COL4A3: variants seen among roughly 807,000 people sequenced by gnomAD.
COL4A3 encodes the protein collagen type IV alpha 3 chain.
In COL4A3, 135 loss-of-function variants were observed where a neutral mutation model predicts 217.4. That is an observed-to-expected ratio of 0.62 (90% CI 0.54 to 0.72). COL4A3 has a LOEUF of 0.72. Ranked by LOEUF, COL4A3 falls within the 30% of genes least tolerant of loss-of-function variation. COL4A3 has a pLI of 0.00. For synonymous variants in COL4A3, 690 were observed against 736.3 expected, an observed-to-expected ratio of 0.94 and a Z score of 1.02; for missense variants, 1,868 against 2,119.9, an observed-to-expected ratio of 0.88 and a Z score of 2.33.
rs1293246002 is a variant in COL4A3, at chr2:227,280,932, C to A, written c.2414C>A (p.Pro805His). The change falls in exon 31 of 52, where the codon CCC becomes CAC. Residue 805 changes from proline (P) to histidine (H), a missense_variant. Physicochemically the swap from Pro to His is moderately conservative, Grantham distance 77. Coordinates refer to ENST00000396578, the MANE Select transcript of COL4A3 (RefSeq NM_000091.5). ...CCTGGACCACCTGGAGAACAAGGACCCCCAGGAAGGTGCATAGAGGGTCCC... is the reference window on the plus strand; with the variant it reads ...CCTGGACCACCTGGAGAACAAGGACACCCAGGAAGGTGCATAGAGGGTCCC... ...GQPGPPGEQG[P>H]PGRCIEGPRG... 1.9e-6 allele frequency: 3 copies of A among 1,565,118 alleles called. No homozygotes were observed. The highest frequency in any genetic ancestry group is 2.7e-5 in the African/African-American group (2 of 73,554).
intron 1 of COL4A3, among the ~76,000 whole-genome samples, chr2:227,215,436 T>C (rs985690477): frequency 4.6e-5 from 7 of 152,106 alleles, no homozygotes; most frequent in Admixed American, 1.3e-4. Context: ...CACCTCCGTA[T>C]GTGCTTGTTG....
chr2:227,166,478 A>G (rs2125623649), intron 1 of COL4A3, among the ~76,000 whole-genome samples: 1 of 152,340 alleles, frequency 6.6e-6, no homozygotes, highest in Non-Finnish European at 1.5e-5. Flanking sequence ...GGGGTGGAAG[A>G]ATTGTACTTA....
chr2:227,259,739 G>A lies in COL4A3; in HGVS notation c.1030-54G>A, dbSNP rs114550460. Reference sequence around the variant, plus strand: ...AGAAACTGAAGTAATGATGTTTGGTGAGCTGTCCATAAATAGCTATCCTTT... The same window carrying A: ...AGAAACTGAAGTAATGATGTTTGGTAAGCTGTCCATAAATAGCTATCCTTT... On this transcript the variant is annotated intron_variant, in intron 18 of 51. Transcript: ENST00000396578. The A allele has an allele frequency of 1.3e-3, 1,623 of 1,264,394 alleles. 14 individuals are homozygous for A. The African/African-American group carries it at 0.021, about 17-fold the overall frequency. 78.3% of individuals were successfully genotyped at this position (1,264,394 alleles called of 1,614,324 possible). A position where few individuals can be genotyped will look rare whatever the true frequency, so the allele number is the denominator to read the frequency against.
chr2:227,233,065 G>C (rs1333644112), intron 1 of COL4A3, among the ~76,000 whole-genome samples: 1 of 152,134 alleles, frequency 6.6e-6, no homozygotes, highest in Non-Finnish European at 1.5e-5. Flanking sequence ...CCAGGCTGGA[G>C]TGCAGTGGCA....
intron 1 of COL4A3, among the ~76,000 whole-genome samples, chr2:227,185,036 G>C (rs2065980204): frequency 6.6e-6 from 1 of 151,514 alleles, no homozygotes; most frequent in African/African-American, 2.4e-5. Context: ...CGAATAGCTG[G>C]GACTACAGGC....
chr2:227,187,541 G>T (rs6737908), intron 1 of COL4A3, among the ~76,000 whole-genome samples: 15,049 of 152,204 alleles, frequency 0.099, 1,000 homozygotes, highest in Admixed American at 0.16. Context: ...TGAGTTTTCT[G>T]TAAGTATACA....
chr2:227,177,619 T>A (rs2065726406), intron 1 of COL4A3, among the ~76,000 whole-genome samples: 1 of 152,222 alleles, frequency 6.6e-6, no homozygotes, highest in Non-Finnish European at 1.5e-5. Flanking sequence ...TATTTGAGGT[T>A]TTAGTTACCT....
intron 3 of COL4A3, among the ~76,000 whole-genome samples, chr2:227,242,500 G>A (rs1050735390): frequency 5.9e-5 from 9 of 152,114 alleles, no homozygotes; most frequent in Non-Finnish European, 7.4e-5. Context: ...CTCCAGCTCC[G>A]CTTTCCTCAC....
intron 20 of COL4A3, among the ~76,000 whole-genome samples, chr2:227,262,579 G>C (rs1384259821): frequency 6.6e-6 from 1 of 152,130 alleles, no homozygotes; most frequent in Non-Finnish European, 1.5e-5. Context: ...GTGTTTTATA[G>C]TTTTTCTTGC....
chr2:227,267,233 C>T (rs2070954683), intron 23 of COL4A3, 145 bp downstream of exon 23: 2 of 694,086 alleles, frequency 2.9e-6, no homozygotes, highest in African/African-American at 1.8e-5. Context: ...ATTCTATTAA[C>T]ATAAAGTCAG....
At chr2:227,222,364 T>C (rs1421564999) in intron 1 of COL4A3, 3 of 152,080 alleles carry the variant, frequency 2.0e-5, no homozygotes, top group African/African-American at 7.2e-5. Context: ...CTTGGCCTGT[T>C]CTCAGGTCAA....
At position 227,289,225 on chromosome 2, in the gene COL4A3, T is replaced by G; in HGVS notation, c.2957T>G (p.Leu986Arg). The part of the protein sequence containing the change: ...GMPGLKGLKG[L>R]PGPAGPPGPR... ...CCAGGTTTAAAGGGCCTCAAAGGAC[T>G]ACCCGGACCAGCAGGACCACCAGGT... Residue 986 changes from leucine to arginine, a missense_variant, in exon 35 of 52, where the codon CTA becomes CGA. By Grantham distance (102) the Leu-to-Arg change is moderately radical. Transcript: ENST00000396578. 1 of 1,613,828 alleles carries G rather than the reference T, an allele frequency of 6.2e-7. No individual in the cohort carries two copies. Among genetic ancestry groups the G allele is most frequent in the Non-Finnish European group, 8.5e-7 (1 of 1,179,860 alleles).
At chr2:227,169,622 C>T (rs113910206) in intron 1 of COL4A3, among the ~76,000 whole-genome samples, 7,555 of 151,622 alleles carry the variant, frequency 0.05, 235 homozygotes, top group Admixed American at 0.086. Flanking sequence ...GGTTTTGATT[C>T]GCATTTCTAT....
intron 2 of COL4A3, 65 bp downstream of exon 2, chr2:227,238,089 C>G: frequency 1.9e-6 from 2 of 1,046,540 alleles, no homozygotes; most frequent in South Asian, 2.5e-5. Flanking sequence ...ACTCAACCTT[C>G]TTCTTTCATC....
In COL4A3 at chr2:227,253,251, C is replaced by G. The variant is rs759117408; in HGVS notation, c.646-45C>G. 6.6e-7 allele frequency: 1 copy of G among 1,520,678 alleles called. No individual in the cohort carries two copies. Among genetic ancestry groups the G allele is most frequent in the Non-Finnish European group, 9.1e-7 (1 of 1,095,738 alleles). The allele number at this position is 1,520,678 out of a possible 1,614,324, so 94.2% of individuals were successfully genotyped here. ...CTTTGATGGGTTTAGACTATTTATTCATATTTATTTTTAGAAAATAATTTG... is the reference window on the plus strand; with the variant it reads ...CTTTGATGGGTTTAGACTATTTATTGATATTTATTTTTAGAAAATAATTTG... On this transcript the variant is annotated intron_variant, in intron 11 of 51. Coordinates refer to ENST00000396578, the MANE Select transcript of COL4A3 (RefSeq NM_000091.5). This position sits in a 1 kb window ranked among gnomAD's most constrained non-coding sequence, Gnocchi z 4.4.
chr2:227,289,853 G>T (rs1210424096), intron 35 of COL4A3, 146 bp from the exon 36 acceptor site: 1 of 736,132 alleles, frequency 1.4e-6, no homozygotes, highest in Non-Finnish European at 2.4e-6. Context: ...CCTCTTATTT[G>T]AAGGAAAAAG....
chr2:227,195,258 C>T (rs1295687107), intron 1 of COL4A3, among the ~76,000 whole-genome samples: 7 of 143,510 alleles, frequency 4.9e-5, no homozygotes, highest in Non-Finnish European at 1.1e-4. Flanking sequence ...TCCCAAATCA[C>T]GTAAAATCCC....
At chr2:227,307,568 C>T in intron 47 of COL4A3, 142 bp from the exon 48 acceptor site, 1 of 704,342 alleles carries the variant, frequency 1.4e-6, no homozygotes, top group Non-Finnish European at 2.5e-6. Context: ...TACTGTTTGG[C>T]CATTTTTATA....
intron 2 of COL4A3, among the ~76,000 whole-genome samples, chr2:227,239,255 C>T (rs1037058587): frequency 8.6e-5 from 13 of 151,808 alleles, no homozygotes; most frequent in African/African-American, 2.7e-4. Flanking sequence ...TAAAAAAATG[C>T]AGTATAACAA....
Sources: allele counts gnomAD v4.1 joint callset (sites outside exome capture counted in the v4.1 genomes callset), GRCh38; gene constraint gnomAD v4.1.1; non-coding constraint Gnocchi (gnomAD v3.1); transcripts MANE v1.5; gene names NCBI Gene and HGNC (gene_info 2026-07-23, HGNC 2026-07-21).